DLGAP2: variants seen among roughly 807,000 people sequenced by gnomAD.
DLGAP2 encodes disks large-associated protein 2.
Under a neutral mutation model 100.3 loss-of-function variants are expected in DLGAP2, and 26 were observed. The ratio of observed to expected loss-of-function variants is 0.26; its 90% CI spans 0.19 to 0.36. The LOEUF (loss-of-function observed/expected upper bound fraction) is 0.36. DLGAP2 is among the 10% of genes least tolerant of loss of function. The pLI, the probability that DLGAP2 is intolerant of heterozygous loss-of-function variation, is 1.00. For missense variants in DLGAP2, 1,858 were observed against 1,453.2 expected (o/e 1.28, Z -4.53); for synonymous variants, 886 against 630.1 (o/e 1.41, Z -6.08).
chr8:1,442,605 G>T (rs1797869168), intron 3 of DLGAP2, among the ~76,000 whole-genome samples: 1 of 145,422 alleles, frequency 6.9e-6, no homozygotes, highest in Non-Finnish European at 1.5e-5. Context: ...GGGGGAGACG[G>T]ATCGGGGCAT....
chr8:1,707,025 C>G lies in DLGAP2; in HGVS notation c.*5619C>G, dbSNP rs1799726995. On this transcript the variant is annotated 3_prime_UTR_variant, in exon 15 of 15. Transcript: ENST00000637795. ...AAATTATTTCAAGTTTCAATGTAAA[C>G]ACTTAACAGATGACTTCTTTGCAGA... 6.6e-6 allele frequency: 1 copy of G among 152,222 alleles called. No individual in the cohort carries two copies. The highest frequency in any genetic ancestry group is 2.4e-5 in the African/African-American group (1 of 41,346). 9.4% of individuals were successfully genotyped at this position (152,222 alleles called of 1,614,324 possible).
At chr8:850,058 C>CA (rs1797156254) in intron 1 of DLGAP2, among the ~76,000 whole-genome samples, 3 of 81,766 alleles carry the variant, frequency 3.7e-5, no homozygotes, top group Non-Finnish European at 7.3e-5. Context: ...AGGAGACTGT[C>CA]TAAAAAAAAA....
At chr8:1,392,646 C>T (rs1028045802) in intron 3 of DLGAP2, among the ~76,000 whole-genome samples, 2 of 152,180 alleles carry the variant, frequency 1.3e-5, no homozygotes, top group African/African-American at 2.4e-5. Flanking sequence ...CGTGGGGAGT[C>T]CCGTGGGCCT....
chr8:983,851 G>T (rs1242382197), intron 2 of DLGAP2, among the ~76,000 whole-genome samples: 3 of 152,096 alleles, frequency 2.0e-5, no homozygotes, highest in African/African-American at 7.2e-5. Flanking sequence ...TGTTGCCCAG[G>T]CTGGTCTTGA....
At chr8:1,421,655 C>G (rs1384115535) in intron 3 of DLGAP2, among the ~76,000 whole-genome samples, 1 of 152,168 alleles carries the variant, frequency 6.6e-6, no homozygotes, top group Non-Finnish European at 1.5e-5. Flanking sequence ...GAAGCAAGCA[C>G]ATATGTTTGG....
intron 3 of DLGAP2, among the ~76,000 whole-genome samples, chr8:1,273,111 A>T (rs970625797): frequency 6.6e-6 from 1 of 152,196 alleles, no homozygotes; most frequent in East Asian, 1.9e-4. Flanking sequence ...TATGATAAAA[A>T]TGAGTAAATA....
chr8:1,192,361 A>T (rs980574800), intron 2 of DLGAP2, among the ~76,000 whole-genome samples: 1 of 152,234 alleles, frequency 6.6e-6, no homozygotes, highest in African/African-American at 2.4e-5. Context: ...TACCTTGCGG[A>T]ATAGCTCGAT....
chr8:1,615,450 G>C (rs893897093), intron 6 of DLGAP2, among the ~76,000 whole-genome samples: 2 of 152,182 alleles, frequency 1.3e-5, no homozygotes, highest in African/African-American at 4.8e-5. Flanking sequence ...AAACTGATGT[G>C]CTCAAAACGA....
chr8:1,070,727 CTG>C (rs1803402393), intron 2 of DLGAP2, among the ~76,000 whole-genome samples: 1 of 152,220 alleles, frequency 6.6e-6, no homozygotes, highest in Non-Finnish European at 1.5e-5. Flanking sequence ...GCCTTCAAAA[CTG>C]TTTTCCCTCA....
intron 3 of DLGAP2, among the ~76,000 whole-genome samples, chr8:1,328,502 G>A (rs1358250468): frequency 6.6e-6 from 1 of 151,160 alleles, no homozygotes; most frequent in Non-Finnish European, 1.5e-5. Flanking sequence ...TTGTTTTTTT[G>A]TTTGTTTGTT....
intron 3 of DLGAP2, among the ~76,000 whole-genome samples, chr8:1,435,824 G>A (rs187353032): frequency 5.0e-4 from 76 of 151,932 alleles, no homozygotes; most frequent in Admixed American, 1.1e-3. Flanking sequence ...CTGACCCTGC[G>A]CAGGTAGAGG....
At chr8:1,546,192 G>C (rs1037222167) in intron 4 of DLGAP2, among the ~76,000 whole-genome samples, 1 of 152,242 alleles carries the variant, frequency 6.6e-6, no homozygotes, top group Non-Finnish European at 1.5e-5. Context: ...AGGTGCTCCT[G>C]TGAGACAGCG....
chr8:909,297 C>G (rs888771298), intron 2 of DLGAP2, among the ~76,000 whole-genome samples: 3 of 152,066 alleles, frequency 2.0e-5, no homozygotes, highest in Non-Finnish European at 4.4e-5. Flanking sequence ...GCAACTGTGT[C>G]CATCAAAGTC....
intron 3 of DLGAP2, chr8:1,297,251 T>A (rs916966632): frequency 6.6e-6 from 1 of 152,214 alleles, no homozygotes; most frequent in African/African-American, 2.4e-5. Context: ...TGCATTTGTA[T>A]CCACAAACAA....
At chr8:1,385,675 C>A (rs1184776224) in intron 3 of DLGAP2, among the ~76,000 whole-genome samples, 1 of 98,386 alleles carries the variant, frequency 1.0e-5, no homozygotes. Flanking sequence ...CGGCCTGTGC[C>A]CGTCCCCTGA....
chr8:1,672,066 T>G (rs1798703115), intron 10 of DLGAP2, among the ~76,000 whole-genome samples: 2 of 152,196 alleles, frequency 1.3e-5, no homozygotes, highest in Non-Finnish European at 2.9e-5. Context: ...TGTGTGCATG[T>G]GTGTGTTTGG....
chr8:1,498,141 T>C (rs1799603732), intron 3 of DLGAP2, among the ~76,000 whole-genome samples: 1 of 152,164 alleles, frequency 6.6e-6, no homozygotes, highest in Non-Finnish European at 1.5e-5. Context: ...AGTTAAATTA[T>C]TGTCTGAAGA....
chr8:1,683,952 GTGTATATATA>G (rs1285684745), intron 12 of DLGAP2, among the ~76,000 whole-genome samples: 1 of 20,346 alleles, frequency 4.9e-5, no homozygotes, highest in African/African-American at 2.1e-4. Flanking sequence ...ATATATATGT[GTGTATATATA>G]TATATATATA....
At chr8:1,173,877 C>T (rs1797189802) in intron 2 of DLGAP2, among the ~76,000 whole-genome samples, 1 of 152,244 alleles carries the variant, frequency 6.6e-6, no homozygotes, top group Non-Finnish European at 1.5e-5. Flanking sequence ...CCGCACGGTG[C>T]ACGCACCCAC....
Sources: allele counts gnomAD v4.1 joint callset (sites outside exome capture counted in the v4.1 genomes callset), GRCh38; gene constraint gnomAD v4.1.1; transcripts MANE v1.5; gene names NCBI Gene and HGNC (gene_info 2026-07-23, HGNC 2026-07-21).